Variants in ENTREP2 observed in about 807,000 individuals in gnomAD.
ENTREP2 encodes protein ENTREP2.
At chr15:29,569,421 A>G in the ENTREP2 span, 1 of 149,788 alleles carries the variant, frequency 6.7e-6, no homozygotes, top group Non-Finnish European at 1.5e-5. Flanking sequence ...CGAATTTTTC[A>G]AATTTTAAAA....
the ENTREP2 span, among the ~76,000 whole-genome samples, chr15:29,563,844 A>T: frequency 0.011 from 1,631 of 150,860 alleles, 26 homozygotes; most frequent in African/African-American, 0.035. Flanking sequence ...CTCAAAAATA[A>T]AAATAAATAA....
the ENTREP2 span, among the ~76,000 whole-genome samples, chr15:29,674,577 A>C: frequency 6.6e-6 from 1 of 151,918 alleles, no homozygotes; most frequent in African/African-American, 2.4e-5. Flanking sequence ...TTGAGCACAG[A>C]CTTTTAATCA....
At chr15:29,374,759 G>A in the ENTREP2 span, 1 of 150,688 alleles carries the variant, frequency 6.6e-6, no homozygotes, top group African/African-American at 2.4e-5. Flanking sequence ...CCATATTTTT[G>A]TTGAAAAAAT....
the ENTREP2 span, among the ~76,000 whole-genome samples, chr15:29,491,627 T>A: frequency 1.3e-5 from 2 of 152,200 alleles, no homozygotes; most frequent in Non-Finnish European, 2.9e-5. Context: ...ACAGTAGCTA[T>A]CTGACTGCAT....
chr15:29,620,699 A>G, the ENTREP2 span, among the ~76,000 whole-genome samples: 1 of 152,068 alleles, frequency 6.6e-6, no homozygotes, highest in Non-Finnish European at 1.5e-5. Context: ...ACACTGACTG[A>G]TGAGGCCAAA....
the ENTREP2 span, among the ~76,000 whole-genome samples, chr15:29,527,015 C>T: frequency 2.9e-4 from 44 of 152,306 alleles, no homozygotes; most frequent in African/African-American, 1.1e-3. Context: ...CATTTGGCCA[C>T]ACTTTCCTTC....
At chr15:29,357,867 A>C in the ENTREP2 span, among the ~76,000 whole-genome samples, 3 of 151,888 alleles carry the variant, frequency 2.0e-5, no homozygotes, top group African/African-American at 7.3e-5. Flanking sequence ...GAAAAAAAAA[A>C]AAAACTGGTT....
At chr15:29,663,707 C>A in the ENTREP2 span, among the ~76,000 whole-genome samples, 1 of 151,824 alleles carries the variant, frequency 6.6e-6, no homozygotes, top group Non-Finnish European at 1.5e-5. Context: ...ACCCCGCGGC[C>A]TGTTGTGGGG....
the ENTREP2 span, among the ~76,000 whole-genome samples, chr15:29,489,421 A>G: frequency 6.6e-6 from 1 of 152,350 alleles, no homozygotes; most frequent in East Asian, 1.9e-4. Flanking sequence ...GTGCAGACAG[A>G]AAACATGGTG....
the ENTREP2 span, among the ~76,000 whole-genome samples, chr15:29,251,773 G>C: frequency 8.2e-6 from 1 of 121,320 alleles, no homozygotes; most frequent in Middle Eastern, 5.7e-3. Flanking sequence ...TAGCTCATCA[G>C]CTATCGCTAG....
chr15:29,149,189 C>T, the ENTREP2 span, among the ~76,000 whole-genome samples: 1 of 152,100 alleles, frequency 6.6e-6, no homozygotes, highest in East Asian at 1.9e-4. Context: ...TTTTTATCAG[C>T]ATTTATCGCA....
At chr15:29,589,520 AG>A in the ENTREP2 span, among the ~76,000 whole-genome samples, 1 of 152,272 alleles carries the variant, frequency 6.6e-6, no homozygotes, top group South Asian at 2.1e-4. Flanking sequence ...GTCACGGAGA[AG>A]GGGCTGCATA....
At chr15:29,268,641 A>T in the ENTREP2 span, 1 of 665,412 alleles carries the variant, frequency 1.5e-6, no homozygotes, top group Non-Finnish European at 2.3e-6. Flanking sequence ...ACATTAAAAA[A>T]ACAAAACTTT....
the ENTREP2 span, among the ~76,000 whole-genome samples, chr15:29,132,489 C>T: frequency 6.6e-6 from 1 of 152,200 alleles, no homozygotes; most frequent in Non-Finnish European, 1.5e-5. Context: ...GTGCTGTGCC[C>T]CTGCCAGCAC....
the ENTREP2 span, among the ~76,000 whole-genome samples, chr15:29,257,041 TTA>T: frequency 7.0e-6 from 1 of 142,878 alleles, no homozygotes; most frequent in African/African-American, 2.6e-5. Context: ...GTTTATTTTT[TTA>T]TTATTTATTT....
the ENTREP2 span, among the ~76,000 whole-genome samples, chr15:29,480,121 C>CT: frequency 2.6e-5 from 4 of 152,134 alleles, no homozygotes; most frequent in African/African-American, 9.6e-5. Flanking sequence ...ATTATCTCTG[C>CT]TTTTTTTCCC....
At chr15:29,613,430 C>G in the ENTREP2 span, 1 of 465,652 alleles carries the variant, frequency 2.1e-6, no homozygotes. Context: ...TCCAGCTGAC[C>G]CACTCACTGG....
At chr15:29,431,276 G>A in the ENTREP2 span, among the ~76,000 whole-genome samples, 3 of 152,080 alleles carry the variant, frequency 2.0e-5, no homozygotes, top group African/African-American at 7.2e-5. Flanking sequence ...GCTGGCCCCT[G>A]CACGTATGGT....
chr15:29,318,404 T>A, the ENTREP2 span, among the ~76,000 whole-genome samples: 1 of 152,104 alleles, frequency 6.6e-6, no homozygotes, highest in Non-Finnish European at 1.5e-5. Flanking sequence ...CACTGCAAGC[T>A]CCGCCTCCTG....
Sources: allele counts gnomAD v4.1 joint callset (sites outside exome capture counted in the v4.1 genomes callset), GRCh38; gene constraint gnomAD v4.1.1; transcripts MANE v1.5; gene names NCBI Gene and HGNC (gene_info 2026-07-23, HGNC 2026-07-21).